TTN: variants seen among roughly 807,000 people sequenced by gnomAD.
TTN encodes connectin.
Under a neutral mutation model 3,223.0 loss-of-function variants are expected in TTN, and 1,525 were observed. The ratio of observed to expected loss-of-function variants is 0.47; its 90% CI spans 0.45 to 0.49. The LOEUF (loss-of-function observed/expected upper bound fraction) is 0.49, where lower values mean the gene tolerates loss of function less well. TTN is among the 20% of genes least tolerant of loss of function. TTN has a pLI of 0.00. For missense variants in TTN, 40,786 were observed against 43,424.0 expected, an observed-to-expected ratio of 0.94 and a Z score of 5.40; for synonymous variants, 14,094 against 15,161.0, an observed-to-expected ratio of 0.93 and a Z score of 5.17.
Position 178,760,462 on chromosome 2 carries a change from G to T in TTN, c.10115-1290C>A, listed in dbSNP as rs189159682. ...GGAGAATAGCTTGAACCCGGGAGGGGGAGGTTGCAGTGAGCCGAGATCTCC... is the reference window on the plus strand; with the variant it reads ...GGAGAATAGCTTGAACCCGGGAGGGTGAGGTTGCAGTGAGCCGAGATCTCC... On this transcript the variant is annotated intron_variant, in intron 43 of 362. Coordinates refer to ENST00000589042, the MANE Select transcript of TTN (RefSeq NM_001267550.2). Among the ~76,000 whole-genome samples, 302 of 152,166 alleles carry T rather than the reference G, an allele frequency of 2.0e-3. 7 individuals are homozygous for T. The South Asian group carries it at 0.025, about 12-fold the overall frequency.
intron 334 of TTN, 25 bp downstream of exon 334, chr2:178,553,477 C>T (rs771944205): frequency 6.3e-7 from 1 of 1,582,500 alleles, no homozygotes; most frequent in African/African-American, 1.4e-5. Context: ...TATTAAAAAA[C>T]ATAATCAAAC....
Position 178,739,500 on chromosome 2 carries a change from T to C in TTN, c.13733A>G (p.Glu4578Gly), listed in dbSNP as rs751948947. 5.6e-6 allele frequency: 9 copies of C among 1,613,686 alleles called. No homozygotes were observed. In the South Asian group the frequency reaches 9.9e-5, roughly 18 times the overall value. The change falls in exon 48 of 363, where the codon GAG becomes GGG. Residue 4578 changes from glutamate to glycine, a missense_variant. By Grantham distance (98) the Glu-to-Gly change is moderately conservative (BLOSUM62 -2). Coordinates refer to ENST00000589042, the MANE Select transcript of TTN (RefSeq NM_001267550.2). ...CTCAGTACCACTTTCAGAGGAAGACTCCTCTTTTTCCTCTGATGGTTTCAG... is the reference window on the plus strand; with the variant it reads ...CTCAGTACCACTTTCAGAGGAAGACCCCTCTTTTTCCTCTGATGGTTTCAG... The part of the protein sequence containing the change: ...ESLKPSEEKE[E>G]SSSESGTEEV...
In TTN at chr2:178,560,559, C is replaced by T; in HGVS notation, c.85573G>A (p.Val28525Ile). ...LLKGNEYIFRVTGVNKYGVGE... is the reference protein window; with the variant it reads ...LLKGNEYIFRITGVNKYGVGE... Reference sequence around the variant, plus strand: ...ACACCATATTTATTAACACCAGTTACTCTAAATATATATTCATTGCCTTTG... The same window carrying T: ...ACACCATATTTATTAACACCAGTTATTCTAAATATATATTCATTGCCTTTG... Residue 28525 changes from valine (V) to isoleucine (I), a missense_variant, in exon 326 of 363, where the codon GTA becomes ATA. By Grantham distance (29) the Val-to-Ile change is conservative (BLOSUM62 3). Transcript: ENST00000589042. 1 of 1,613,258 alleles carries T rather than the reference C, an allele frequency of 6.2e-7. No homozygotes were observed. The highest frequency in any genetic ancestry group is 8.5e-7 in the Non-Finnish European group (1 of 1,179,672).
At position 178,601,386 on chromosome 2, in the gene TTN, TGTG is replaced by T. The variant is rs754089315; in HGVS notation, c.55608_55610del (p.Thr18537del). On this transcript the variant is annotated inframe_deletion, in exon 287 of 363. Coordinates refer to ENST00000589042, the MANE Select transcript of TTN (RefSeq NM_001267550.2). ...CAGAGAGGAGATCAGGCACTACAAA[TGTG>T]GTGCTTCCACAGTCTGGATTGACTT... The T allele has an allele frequency of 1.1e-5, 17 of 1,612,750 alleles. No homozygotes were observed. In the South Asian group the frequency reaches 1.6e-4, roughly 16 times the overall value.
At chr2:178,689,223 C>G (rs1326148974) in intron 124 of TTN, 67 bp downstream of exon 124, 4 of 1,593,932 alleles carry the variant, frequency 2.5e-6, no homozygotes, top group Non-Finnish European at 3.4e-6. Context: ...ACAGTGCACT[C>G]ATATCACAAA....
chr2:178,593,669 A>G lies in TTN; in HGVS notation c.58631T>C (p.Leu19544Pro), dbSNP rs373353480. Residue 19544 changes from leucine to proline, a missense_variant, in exon 298 of 363, where the codon CTA becomes CCA. Coordinates refer to ENST00000589042, the MANE Select transcript of TTN (RefSeq NM_001267550.2). ...GAAAATATAATCTTTTCCTTCAAGT[A>G]GTTTAGAAACTTTGCATGTTGTTTT... is the stretch of plus-strand genomic sequence containing the variant. ...SAKTTCKVSK[L>P]LEGKDYIFRI... 7 of 1,613,178 alleles carry G rather than the reference A, an allele frequency of 4.3e-6. No individual in the cohort carries two copies. The highest frequency in any genetic ancestry group is 5.9e-6 in the Non-Finnish European group (7 of 1,179,600).
At chr2:178,689,187 C>T in intron 124 of TTN, 51 bp from the exon 125 acceptor site, 1 of 1,588,320 alleles carries the variant, frequency 6.3e-7, no homozygotes, top group Non-Finnish European at 8.6e-7. Flanking sequence ...TCATTGAAGC[C>T]CAGTGCAAAA....
chr2:178,748,067 A>G (rs544973222), intron 47 of TTN: 2 of 1,612,658 alleles, frequency 1.2e-6, no homozygotes, highest in Non-Finnish European at 1.7e-6. Flanking sequence ...CATTTCACCA[A>G]CCCCTAAAGG....
intron 78 of TTN, 143 bp from the exon 79 acceptor site, chr2:178,721,345 A>C (rs1178660872): frequency 1.5e-5 from 11 of 713,136 alleles, no homozygotes. Context: ...TTACAGTAAA[A>C]TAAGTTATCT....
At chr2:178,592,312 T>G (rs2050395810) in intron 301 of TTN, 35 bp from the exon 302 acceptor site, 2 of 1,601,782 alleles carry the variant, frequency 1.2e-6, no homozygotes, top group Admixed American at 1.8e-5. Flanking sequence ...GATAAGTAAT[T>G]TTATCCATAT....
At position 178,649,290 on chromosome 2, in the gene TTN, G is replaced by A. The variant is rs1166018416; in HGVS notation, c.40015C>T (p.Pro13339Ser). 6.7e-7 allele frequency: 1 copy of A among 1,482,796 alleles called. No homozygotes were observed. The allele number at this position is 1,482,796 out of a possible 1,614,324, so 91.9% of individuals were successfully genotyped here. ...TCTGGTTTTTTGGTAACAGGCACAG[G>A]TTCTTTCTTTACTGGAACAAGTTTC... ...PKKLVPVKKE[P>S]VPVTKKPEVL... is the part of the protein sequence containing the mutation. The change falls in exon 213 of 363, where the codon CCT becomes TCT. Residue 13339 changes from proline to serine, a missense_variant. Transcript: ENST00000589042.
At chr2:178,604,641 T>A in intron 281 of TTN, 67 bp downstream of exon 281, 1 of 1,461,452 alleles carries the variant, frequency 6.8e-7, no homozygotes, top group South Asian at 1.4e-5. Context: ...CAAGGTTATA[T>A]TAAAATGGCA....
At position 178,780,177 on chromosome 2, in the gene TTN, C is replaced by A. The variant is rs1199216069; in HGVS notation, c.3552G>T (p.Gln1184His). 6.2e-7 allele frequency: 1 copy of A among 1,613,682 alleles called. No individual in the cohort carries two copies. Among genetic ancestry groups the A allele is most frequent in the Non-Finnish European group, 8.5e-7 (1 of 1,179,848 alleles). Residue 1184 changes from glutamine (Q) to histidine (H), a missense_variant, in exon 22 of 363, where the codon CAG becomes CAT. Coordinates refer to ENST00000589042, the MANE Select transcript of TTN (RefSeq NM_001267550.2). ...CTTGTGTCTGATAAAGCATTTCTTG[C>A]TGGGACTTCATCAGTAACTCATAAT... ...EADYELLMKS[Q>H]QEMLYQTQVT... is the part of the protein sequence containing the mutation.
rs148355969 is a variant in TTN at position 178,712,205 on chromosome 2, T to C, written c.27625A>G (p.Lys9209Glu). Residue 9209 changes from lysine to glutamate, a missense_variant, in exon 96 of 363, where the codon AAG (lysine) becomes GAG (glutamate). Physicochemically the swap from Lys to Glu is moderately conservative, Grantham distance 56. Coordinates refer to ENST00000589042, the MANE Select transcript of TTN (RefSeq NM_001267550.2). ...ILILEPPYFV[K>E]QLEPVKVSVG... ...GACACCTTAACCGGCTCCAACTGCT[T>C]GACAAAATACGGTGGTTCTGCAGCC... 4.9e-5 allele frequency: 79 copies of C among 1,613,286 alleles called. No individual in the cohort carries two copies. The African/African-American group carries it at 9.5e-4, about 19-fold the overall frequency.
Position 178,587,153 on chromosome 2 carries a change from T to C in TTN, c.64058A>G (p.Asp21353Gly). Residue 21353 changes from aspartate to glycine, a missense_variant, in exon 307 of 363, where the codon GAT (aspartate) becomes GGT (glycine). Transcript: ENST00000589042. The stretch of plus-strand genomic sequence containing the variant: ...TGATGCAAGCACTGGTTTTGGGACA[T>C]CTGTTGGGACGCCAGGGCCATATTC... The part of the protein sequence containing the change: ...VNEYGPGVPT[D>G]VPKPVLASDP... The C allele has an allele frequency of 6.2e-7, 1 of 1,613,280 alleles. No homozygotes were observed. The highest frequency in any genetic ancestry group is 8.5e-7 in the Non-Finnish European group (1 of 1,179,428).
intron 253 of TTN, 113 bp from the exon 254 acceptor site, chr2:178,617,625 T>C: frequency 8.2e-7 from 1 of 1,220,108 alleles, no homozygotes; most frequent in Non-Finnish European, 1.1e-6. Context: ...ATTCACTAAG[T>C]AAAGTAGGCA....
chr2:178,683,486 T>C (rs1188974250), intron 133 of TTN, among the ~76,000 whole-genome samples, 195 bp from the exon 134 acceptor site: 4 of 152,070 alleles, frequency 2.6e-5, no homozygotes, highest in African/African-American at 4.8e-5. Flanking sequence ...GTCAAAGACA[T>C]TGAATAATTT....
chr2:178,682,995 C>T (rs890046859), intron 134 of TTN, 92 bp from the exon 135 acceptor site: 26 of 1,293,060 alleles, frequency 2.0e-5, no homozygotes, highest in African/African-American at 1.2e-4. Flanking sequence ...TATTCTTTTG[C>T]GTTTGTTTCA....
rs766684822 is a variant in TTN, at chr2:178,701,599, C to T, written c.30539-12G>A. On this transcript the variant is annotated splice_polypyrimidine_tract_variant and intron_variant, in intron 109 of 362. Coordinates refer to ENST00000589042, the MANE Select transcript of TTN (RefSeq NM_001267550.2). The stretch of plus-strand genomic sequence containing the variant: ...GGAGTCAGGAATATCTGGAAAGGGA[C>T]ATGTAATAAGCATAGAGAGACTGAG... 1.2e-5 allele frequency: 19 copies of T among 1,612,936 alleles called. No individual in the cohort carries two copies. The Middle Eastern group carries it at 5.0e-4, about 42-fold the overall frequency.
Sources: gnomAD v4.1 joint callset for allele counts (sites outside exome capture counted in the v4.1 genomes callset) on GRCh38, gnomAD v4.1.1 for gene constraint, MANE v1.5 for transcripts, NCBI Gene and HGNC (gene_info 2026-07-23, HGNC 2026-07-21) for gene names.